The following COL9A1 variants were observed in gnomAD, a reference collection of about 807,000 sequenced individuals.
COL9A1 encodes the protein collagen alpha-1(IX) chain.
Under a neutral mutation model 142.6 loss-of-function variants are expected in COL9A1, and 104 were observed. The observed-to-expected ratio is 0.73, with a 90% CI of 0.62 to 0.86. The LOEUF is 0.86. COL9A1 is among the 40% of genes least tolerant of loss of function. COL9A1 has a pLI of 0.00. For missense variants in COL9A1, 1,210 were observed against 1,176.6 expected (o/e 1.03, Z -0.42); for synonymous variants, 466 against 396.0 (o/e 1.18, Z -2.10).
chr6:70,295,281 C>CTTTTTTTTTTTTTTTTT (rs1171549562), intron 4 of COL9A1, among the ~76,000 whole-genome samples: 1 of 63,166 alleles, frequency 1.6e-5, no homozygotes, highest in African/African-American at 6.4e-5. Context: ...GTTGTTGCTT[C>CTTTTTTTTTTTTTTTTT]TTTTTTTTTT....
chr6:70,283,268 G>T, intron 6 of COL9A1: 1 of 1,426,250 alleles, frequency 7.0e-7, no homozygotes, highest in Non-Finnish European at 9.2e-7. Flanking sequence ...GAGCTAGGGG[G>T]CAGGGGAGGA....
intron 10 of COL9A1, chr6:70,275,266 A>G (rs1772683422): frequency 6.4e-6 from 1 of 156,140 alleles, no homozygotes; most frequent in Non-Finnish European, 1.4e-5. Flanking sequence ...TAAGAATTAA[A>G]CACAAACAAT....
chr6:70,282,322 C>T (rs1057282331), intron 7 of COL9A1, among the ~76,000 whole-genome samples: 1 of 152,236 alleles, frequency 6.6e-6, no homozygotes, highest in African/African-American at 2.4e-5. Flanking sequence ...AACCTCAAAC[C>T]TCAGCTGGGC....
chr6:70,232,544 G>A, intron 36 of COL9A1, 39 bp downstream of exon 36: 1 of 1,601,404 alleles, frequency 6.2e-7, no homozygotes, highest in Non-Finnish European at 8.5e-7. Flanking sequence ...ATCTGAAAAA[G>A]GTTGTGTTCT....
chr6:70,220,892 T>G (rs546106909), intron 37 of COL9A1, among the ~76,000 whole-genome samples: 2 of 152,304 alleles, frequency 1.3e-5, no homozygotes, highest in East Asian at 3.9e-4. Flanking sequence ...GATTACATGG[T>G]TTTCTGAAAT....
chr6:70,226,412 A>G (rs2182998), intron 36 of COL9A1, among the ~76,000 whole-genome samples: 2 of 151,978 alleles, frequency 1.3e-5, no homozygotes, highest in Non-Finnish European at 2.9e-5. Context: ...TTTATCACTA[A>G]TATATAACTT....
chr6:70,252,041 T>G, intron 28 of COL9A1, 79 bp downstream of exon 28: 2 of 1,420,246 alleles, frequency 1.4e-6, no homozygotes, highest in Non-Finnish European at 2.0e-6. Context: ...CATTCATGGA[T>G]AGATGGATGA....
At chr6:70,285,294 G>A (rs185906428) in intron 5 of COL9A1, among the ~76,000 whole-genome samples, 81 of 152,264 alleles carry the variant, frequency 5.3e-4, no homozygotes, top group Non-Finnish European at 9.3e-4. Context: ...ACACATCTGC[G>A]CATCCACATA....
At position 70,244,784 on chromosome 6, in the gene COL9A1, A is replaced by T. The variant is rs527736571; in HGVS notation, c.1873-2069T>A. On this transcript the variant is annotated intron_variant, in intron 28 of 37. Coordinates refer to ENST00000357250, the MANE Select transcript of COL9A1 (RefSeq NM_001851.6). ...ATTATCTTCCCAGTGAATAACAAAG[A>T]TTTTCTCTGCTGGACTCTTATTTTC... Among the ~76,000 whole-genome samples, 103 of 151,704 alleles carry T rather than the reference A, an allele frequency of 6.8e-4. 4 individuals carry two copies. The highest frequency in any genetic ancestry group is 4.8e-3 in the South Asian group (23 of 4,822).
At chr6:70,280,188 C>A (rs1773055035) in intron 10 of COL9A1, among the ~76,000 whole-genome samples, 1 of 152,204 alleles carries the variant, frequency 6.6e-6, no homozygotes, top group African/African-American at 2.4e-5. Flanking sequence ...AATCTTCATA[C>A]AGTCCTAGCC....
chr6:70,266,545 T>C (rs562615473), intron 18 of COL9A1, among the ~76,000 whole-genome samples, 172 bp downstream of exon 18: 9 of 152,352 alleles, frequency 5.9e-5, no homozygotes, highest in South Asian at 4.1e-4. Context: ...AACTTCAGAA[T>C]ATGATATTTA....
chr6:70,237,273 A>C, intron 33 of COL9A1, among the ~76,000 whole-genome samples: 1 of 152,224 alleles, frequency 6.6e-6, no homozygotes, highest in East Asian at 1.9e-4. Flanking sequence ...GAACTTCCTA[A>C]TGAAGAGATT....
rs192765103 is a variant in COL9A1 at position 70,248,487 on chromosome 6, A to T, written c.1872+3633T>A. Among the ~76,000 whole-genome samples, 6 of 152,288 alleles carry T rather than the reference A, an allele frequency of 3.9e-5. No homozygotes were observed. The East Asian group carries it at 1.2e-3, about 29-fold the overall frequency. The stretch of plus-strand genomic sequence containing the variant: ...CAGCTTGTTTTAGATTTGCAGGAAA[A>T]ACTGATCAAACGTGTGAGGCATTGT... On this transcript the variant is annotated intron_variant, in intron 28 of 37. Coordinates refer to ENST00000357250, the MANE Select transcript of COL9A1 (RefSeq NM_001851.6).
Position 70,253,403 on chromosome 6 carries a change from C to T in COL9A1, c.1746G>A (p.Lys582=). 1.2e-6 allele frequency: 2 copies of T among 1,605,890 alleles called. No homozygotes were observed. Among genetic ancestry groups the T allele is most frequent in the Non-Finnish European group, 8.5e-7 (1 of 1,173,166 alleles). ...ATTTTACCTTTTCACCAGCAACACCCTTTGCACCAGGAATTCCAGGTACAC... is the reference window on the plus strand; with the variant it reads ...ATTTTACCTTTTCACCAGCAACACCTTTTGCACCAGGAATTCCAGGTACAC... ...LPGVPGIPGA[K]GVAGEKGSTG... The change falls in exon 26 of 38, where the codon AAG becomes AAA. Residue 582 remains lysine (K), a synonymous_variant. Transcript: ENST00000357250.
At chr6:70,242,629 T>C (rs201069900) in intron 29 of COL9A1, 33 bp downstream of exon 29, 1 of 1,594,832 alleles carries the variant, frequency 6.3e-7, no homozygotes, top group Admixed American at 1.7e-5. Flanking sequence ...TTGTGTTTCG[T>C]AGAAGGCAAA....
chr6:70,224,410 T>C (rs1160214205), intron 37 of COL9A1, among the ~76,000 whole-genome samples: 1 of 152,200 alleles, frequency 6.6e-6, no homozygotes, highest in African/African-American at 2.4e-5. Context: ...TACATTTAAA[T>C]TGTGGCTTAC....
intron 19 of COL9A1, among the ~76,000 whole-genome samples, chr6:70,261,918 G>A (rs1275745362): frequency 6.6e-6 from 1 of 152,058 alleles, no homozygotes; most frequent in Non-Finnish European, 1.5e-5. Flanking sequence ...ATTTGTGCAT[G>A]TACATTTAAA....
chr6:70,277,099 C>A (rs563952520), intron 10 of COL9A1, among the ~76,000 whole-genome samples: 2 of 152,156 alleles, frequency 1.3e-5, no homozygotes, highest in Admixed American at 6.5e-5. Context: ...AGCACCTAAC[C>A]TCTGCCTGTA....
chr6:70,270,626 C>G (rs916366418), intron 14 of COL9A1, among the ~76,000 whole-genome samples: 3 of 152,202 alleles, frequency 2.0e-5, no homozygotes, highest in Non-Finnish European at 4.4e-5. Context: ...CAATTCTTCT[C>G]TATCAGACAA....
Sources: gnomAD v4.1 joint callset for allele counts (sites outside exome capture counted in the v4.1 genomes callset) on GRCh38, gnomAD v4.1.1 for gene constraint, MANE v1.5 for transcripts, NCBI Gene and HGNC (gene_info 2026-07-23, HGNC 2026-07-21) for gene names.